Variants in REEP3 observed in about 807,000 individuals in gnomAD.
REEP3 encodes receptor expression-enhancing protein 3.
In REEP3, 20 loss-of-function variants were observed where a neutral mutation model predicts 41.3. The ratio of observed to expected loss-of-function variants is 0.48; its 90% CI spans 0.34 to 0.70. REEP3 has a LOEUF of 0.70. REEP3 is among the 30% of genes least tolerant of loss of function. REEP3 has a pLI of 0.01. For synonymous variants in REEP3, 104 were observed against 101.8 expected (o/e 1.02, Z -0.13); for missense variants, 271 against 308.8 (o/e 0.88, Z 0.92).
chr10:63,610,761 T>G (rs1956271602), intron 6 of REEP3, among the ~76,000 whole-genome samples: 1 of 152,130 alleles, frequency 6.6e-6, no homozygotes, highest in Non-Finnish European at 1.5e-5. Context: ...TCTAAATTAG[T>G]ACTTGCTAGG....
At chr10:63,555,248 T>C (rs919984452) in intron 1 of REEP3, among the ~76,000 whole-genome samples, 1 of 152,198 alleles carries the variant, frequency 6.6e-6, no homozygotes, top group African/African-American at 2.4e-5. Context: ...GATTTGGGGC[T>C]GTTGTTGTTT....
intron 1 of REEP3, among the ~76,000 whole-genome samples, chr10:63,556,246 G>A (rs1335943493): frequency 1.3e-5 from 2 of 152,034 alleles, no homozygotes; most frequent in Non-Finnish European, 2.9e-5. Context: ...CTCCCAAGTA[G>A]CTGGGATTAC....
chr10:63,544,626 T>G (rs1955559597), intron 1 of REEP3, among the ~76,000 whole-genome samples: 2 of 152,004 alleles, frequency 1.3e-5, no homozygotes, highest in African/African-American at 4.8e-5. Context: ...GGGGAAAGGG[T>G]GAACAGAGCA....
At chr10:63,555,472 T>C (rs1468778633) in intron 1 of REEP3, among the ~76,000 whole-genome samples, 1 of 152,222 alleles carries the variant, frequency 6.6e-6, no homozygotes, top group Non-Finnish European at 1.5e-5. Context: ...ATGGCTGCCA[T>C]GGCAGAAAAA....
chr10:63,544,357 T>C (rs149237564), intron 1 of REEP3, among the ~76,000 whole-genome samples: 4 of 152,222 alleles, frequency 2.6e-5, no homozygotes, highest in African/African-American at 9.6e-5. Context: ...GTAAGGAAAG[T>C]GAATGAGGGC....
intron 1 of REEP3, among the ~76,000 whole-genome samples, chr10:63,533,224 T>G (rs1372844693): frequency 1.3e-5 from 2 of 152,210 alleles, no homozygotes; most frequent in African/African-American, 4.8e-5. Context: ...GGAATGCACT[T>G]TCACCAAAAC....
At chr10:63,573,105 T>G (rs904564882) in intron 2 of REEP3, among the ~76,000 whole-genome samples, 5 of 152,232 alleles carry the variant, frequency 3.3e-5, no homozygotes, top group Non-Finnish European at 5.9e-5. Flanking sequence ...CCCCAACTAC[T>G]ACCATTCCCC....
chr10:63,605,087 AC>A (rs1956212013), intron 5 of REEP3, among the ~76,000 whole-genome samples: 1 of 152,186 alleles, frequency 6.6e-6, no homozygotes, highest in Non-Finnish European at 1.5e-5. Context: ...AAATTATCTA[AC>A]AAAAAATAGC....
intron 5 of REEP3, among the ~76,000 whole-genome samples, chr10:63,606,283 T>TTC (rs1956226400): frequency 6.6e-6 from 1 of 151,948 alleles, no homozygotes; most frequent in Admixed American, 6.6e-5. Context: ...TTCTTTTTCT[T>TTC]TCTTTCCTTT....
chr10:63,588,357 C>T (rs1426152760), intron 2 of REEP3, among the ~76,000 whole-genome samples: 1 of 152,140 alleles, frequency 6.6e-6, no homozygotes. Context: ...TAATTTGAAT[C>T]TCATTATCTC....
At chr10:63,601,042 T>A (rs1956167706) in intron 5 of REEP3, among the ~76,000 whole-genome samples, 2 of 151,836 alleles carry the variant, frequency 1.3e-5, no homozygotes, top group Admixed American at 6.6e-5. Flanking sequence ...TAATCCCAGC[T>A]ACTCGGGAGG....
intron 6 of REEP3, among the ~76,000 whole-genome samples, chr10:63,616,725 C>T (rs1223258088): frequency 2.0e-5 from 3 of 152,098 alleles, no homozygotes; most frequent in Non-Finnish European, 4.4e-5. Flanking sequence ...TACTTCCTTT[C>T]TGACTTTTTC....
At chr10:63,535,984 A>G (rs777732515) in intron 1 of REEP3, among the ~76,000 whole-genome samples, 1 of 152,206 alleles carries the variant, frequency 6.6e-6, no homozygotes, top group African/African-American at 2.4e-5. Context: ...ACATTTGTCT[A>G]CATGTTTTAT....
chr10:63,529,920 AG>A (rs1955404560), intron 1 of REEP3, among the ~76,000 whole-genome samples: 1 of 151,782 alleles, frequency 6.6e-6, no homozygotes, highest in Admixed American at 6.6e-5. Context: ...CTGGGATTAC[AG>A]GTGGCCACCA....
intron 1 of REEP3, among the ~76,000 whole-genome samples, chr10:63,557,023 C>A (rs902094301): frequency 1.3e-5 from 2 of 152,076 alleles, no homozygotes; most frequent in African/African-American, 4.8e-5. Context: ...TCTGTGAATT[C>A]TCCCTATGTA....
At chr10:63,606,464 AG>A in intron 5 of REEP3, among the ~76,000 whole-genome samples, 1 of 152,010 alleles carries the variant, frequency 6.6e-6, no homozygotes, top group African/African-American at 2.4e-5. Flanking sequence ...CAGCTCACTA[AG>A]GCCTCAAACT....
chr10:63,608,316 C>T (rs192538120), intron 5 of REEP3, among the ~76,000 whole-genome samples: 88 of 152,198 alleles, frequency 5.8e-4, no homozygotes, highest in Admixed American at 7.9e-4. Context: ...TTAATGATTT[C>T]GTATCACAAT....
intron 5 of REEP3, among the ~76,000 whole-genome samples, chr10:63,609,333 T>G (rs2133427427): frequency 6.6e-6 from 1 of 151,640 alleles, no homozygotes; most frequent in East Asian, 1.9e-4. Flanking sequence ...GCGCCTGTAG[T>G]CCCAGCTACT....
At chr10:63,568,502 C>G (rs1955822720) in intron 2 of REEP3, among the ~76,000 whole-genome samples, 1 of 151,982 alleles carries the variant, frequency 6.6e-6, no homozygotes, top group Admixed American at 6.6e-5. Flanking sequence ...CTCCCAACCT[C>G]GTGATCCACC....
Sources: gnomAD v4.1 joint callset for allele counts (sites outside exome capture counted in the v4.1 genomes callset) on GRCh38, gnomAD v4.1.1 for gene constraint, MANE v1.5 for transcripts, NCBI Gene and HGNC (gene_info 2026-07-23, HGNC 2026-07-21) for gene names.